CCDC171: variants seen among roughly 807,000 people sequenced by gnomAD.
CCDC171 encodes coiled-coil domain-containing protein 171.
A neutral mutation model predicts 168.2 loss-of-function variants in CCDC171; 177 were observed. The ratio of observed to expected loss-of-function variants is 1.05; its 90% CI spans 0.93 to 1.19. The LOEUF is 1.19. Ranked by LOEUF, CCDC171 falls within the 50% of genes most tolerant of loss-of-function variation. The pLI is 0.00. For synonymous variants in CCDC171, 687 were observed against 540.8 expected, an observed-to-expected ratio of 1.27 and a Z score of -3.75; for missense variants, 1,991 against 1,539.0, an observed-to-expected ratio of 1.29 and a Z score of -4.91.
intron 3 of CCDC171, among the ~76,000 whole-genome samples, chr9:15,989,080 G>A (rs1382902666): frequency 6.6e-6 from 1 of 152,170 alleles, no homozygotes; most frequent in Non-Finnish European, 1.5e-5. Context: ...GAAGAGAGTA[G>A]TGGTTCTCCC....
intron 1 of CCDC171, among the ~76,000 whole-genome samples, chr9:16,057,521 T>G (rs1833859567): frequency 6.6e-6 from 1 of 152,220 alleles, no homozygotes; most frequent in Admixed American, 6.5e-5. Context: ...AGATCAGTCC[T>G]CAGAAGGCAG....
intron 3 of CCDC171, among the ~76,000 whole-genome samples, chr9:16,014,957 G>T (rs1314041424): frequency 6.6e-6 from 1 of 152,102 alleles, no homozygotes; most frequent in East Asian, 1.9e-4. Flanking sequence ...CCGCTAACAA[G>T]AGTGTCAGCC....
chr9:15,662,811 A>G (rs1289629070), intron 8 of CCDC171, among the ~76,000 whole-genome samples: 3 of 151,918 alleles, frequency 2.0e-5, no homozygotes, highest in Non-Finnish European at 4.4e-5. Context: ...CCCCATCTCT[A>G]CTAAAAAAAA....
At chr9:16,032,434 C>T (rs1011026904) in intron 6 of CCDC171, among the ~76,000 whole-genome samples, 1 of 152,132 alleles carries the variant, frequency 6.6e-6, no homozygotes, top group Non-Finnish European at 1.5e-5. Flanking sequence ...ACTGGCCATG[C>T]ACGAGACGCC....
At chr9:16,047,878 GGGTGTGA>G in intron 1 of CCDC171, among the ~76,000 whole-genome samples, 1 of 152,324 alleles carries the variant, frequency 6.6e-6, no homozygotes, top group East Asian at 1.9e-4. Flanking sequence ...AGGTTGTGAT[GGGTGTGA>G]GGTAAGGGGA....
At chr9:15,657,041 G>A (rs2047992958) in intron 7 of CCDC171, 86 bp from the exon 8 acceptor site, 1 of 618,404 alleles carries the variant, frequency 1.6e-6, no homozygotes, top group Non-Finnish European at 2.6e-6. Flanking sequence ...CTAATCTAAA[G>A]TGTTAATTAT....
chr9:15,684,293 A>G (rs531316062), intron 10 of CCDC171, among the ~76,000 whole-genome samples: 1 of 152,142 alleles, frequency 6.6e-6, no homozygotes, highest in Non-Finnish European at 1.5e-5. Context: ...TATAAGAACT[A>G]TATATTAGTT....
At chr9:15,672,907 T>C (rs2049229532) in intron 9 of CCDC171, among the ~76,000 whole-genome samples, 1 of 152,248 alleles carries the variant, frequency 6.6e-6, no homozygotes, top group African/African-American at 2.4e-5. Flanking sequence ...CATTGGTAGC[T>C]TGATGGGGAT....
intron 7 of CCDC171, among the ~76,000 whole-genome samples, chr9:15,638,151 A>C (rs1207004974): frequency 6.6e-6 from 1 of 152,188 alleles, no homozygotes; most frequent in Non-Finnish European, 1.5e-5. Context: ...CTTTGAAGGT[A>C]GTCTAGATAG....
At chr9:15,595,418 G>T (rs183724062) in intron 6 of CCDC171, among the ~76,000 whole-genome samples, 1 of 152,052 alleles carries the variant, frequency 6.6e-6, no homozygotes, top group Non-Finnish European at 1.5e-5. Context: ...TTCTCCTTGC[G>T]ATAGTTTGCT....
chr9:15,669,017 G>C (rs1373578522), intron 9 of CCDC171, among the ~76,000 whole-genome samples: 2 of 152,124 alleles, frequency 1.3e-5, no homozygotes, highest in Admixed American at 6.6e-5. Context: ...GTTGTGAACT[G>C]ACGTAGCAGT....
At chr9:15,678,960 G>T in intron 10 of CCDC171, 64 bp downstream of exon 10, 1 of 1,226,768 alleles carries the variant, frequency 8.2e-7, no homozygotes, top group African/African-American at 1.6e-5. Flanking sequence ...TGTATAGCAG[G>T]GTTTTTCCTC....
intron 14 of CCDC171, among the ~76,000 whole-genome samples, chr9:15,727,134 T>G: frequency 6.6e-6 from 1 of 152,270 alleles, no homozygotes; most frequent in Middle Eastern, 3.4e-3. Context: ...CGAAAGTATG[T>G]AATGAGCAGC....
chr9:15,759,534 C>A (rs919016762), intron 18 of CCDC171, among the ~76,000 whole-genome samples: 22 of 152,112 alleles, frequency 1.4e-4, no homozygotes, highest in African/African-American at 4.8e-4. Flanking sequence ...TTATGTGTTG[C>A]ATTTAGTCAT....
chr9:15,937,223 A>T (rs913125603), intron 25 of CCDC171, among the ~76,000 whole-genome samples: 2 of 152,042 alleles, frequency 1.3e-5, no homozygotes, highest in Non-Finnish European at 2.9e-5. Context: ...ATTTTTTTCA[A>T]CATGGGAAAT....
intron 18 of CCDC171, among the ~76,000 whole-genome samples, chr9:15,762,934 C>T (rs75468334): frequency 0.028 from 4,254 of 152,148 alleles, 224 homozygotes; most frequent in African/African-American, 0.097. Flanking sequence ...GTGGAGGGAA[C>T]AGTTCCCAAA....
chr9:15,635,297 G>C (rs747432100), intron 7 of CCDC171, among the ~76,000 whole-genome samples: 1 of 152,082 alleles, frequency 6.6e-6, no homozygotes, highest in Non-Finnish European at 1.5e-5. Flanking sequence ...CATTTTATGT[G>C]CTTATTAGCC....
intron 25 of CCDC171, among the ~76,000 whole-genome samples, chr9:15,938,415 T>C (rs1258739963): frequency 1.3e-5 from 2 of 151,894 alleles, no homozygotes; most frequent in African/African-American, 4.8e-5. Flanking sequence ...ATAAAAGTTT[T>C]ACAGTTTTCT....
chr9:15,701,506 C>G (rs759399936), intron 11 of CCDC171, among the ~76,000 whole-genome samples: 6 of 150,418 alleles, frequency 4.0e-5, no homozygotes, highest in Non-Finnish European at 7.4e-5. Flanking sequence ...TCAGTTGACT[C>G]TTATTTTCAT....
Sources: gnomAD v4.1 joint callset for allele counts (sites outside exome capture counted in the v4.1 genomes callset) on GRCh38, gnomAD v4.1.1 for gene constraint, MANE v1.5 for transcripts, NCBI Gene and HGNC (gene_info 2026-07-23, HGNC 2026-07-21) for gene names.